BARHL2: variants seen among roughly 807,000 people sequenced by gnomAD.
BARHL2 encodes barH-like 2 homeobox protein.
BARHL2 carries 10 observed loss-of-function variants against 27.1 expected under a neutral mutation model. That is an observed-to-expected ratio of 0.37 (90% CI 0.23 to 0.63). The LOEUF is 0.63. Among genes scored for constraint, BARHL2 ranks in the 20% least tolerant of loss-of-function variants. The probability of loss-of-function intolerance (pLI) is 0.65; values close to 1 mark genes in which losing one functional copy is unlikely to be tolerated. For missense variants in BARHL2, 483 were observed against 533.5 expected, an observed-to-expected ratio of 0.91 and a Z score of 0.93; for synonymous variants, 248 against 224.7, an observed-to-expected ratio of 1.10 and a Z score of -0.93.
chr1:90,716,416 A>G (rs1301468064), intron 1 of BARHL2, among the ~76,000 whole-genome samples, 155 bp downstream of exon 1: 1 of 152,212 alleles, frequency 6.6e-6, no homozygotes, highest in African/African-American at 2.4e-5. Flanking sequence ...TCGCACGCCC[A>G]GGCCTCCCTT....
At chr1:90,716,510 G>C in intron 1 of BARHL2, 61 bp downstream of exon 1, 3 of 1,539,592 alleles carry the variant, frequency 1.9e-6, no homozygotes, top group Non-Finnish European at 2.7e-6. Flanking sequence ...AAGGCTGAAG[G>C]GGAGATTGGG....
intron 1 of BARHL2, among the ~76,000 whole-genome samples, chr1:90,716,103 T>C (rs1277901094): frequency 2.7e-5 from 3 of 111,470 alleles, no homozygotes; most frequent in African/African-American, 6.7e-5. Context: ...GTGATGATGT[T>C]AAGAAAATAA....
chr1:90,716,114 A>G (rs1287485889), intron 1 of BARHL2, among the ~76,000 whole-genome samples: 2 of 76,560 alleles, frequency 2.6e-5, no homozygotes, highest in Non-Finnish European at 5.9e-5. Flanking sequence ...AAGAAAATAA[A>G]GTGGGGGGGG....
chr1:90,713,063 C>G (rs983200161), intron 2 of BARHL2, among the ~76,000 whole-genome samples: 1 of 152,144 alleles, frequency 6.6e-6, no homozygotes, highest in Non-Finnish European at 1.5e-5. Context: ...GCCCCTCTTC[C>G]TTCCCCGCCA....
In BARHL2 at chr1:90,714,770, C is replaced by A. The variant is rs201402980; in HGVS notation, c.626-14G>T. Reference sequence around the variant, plus strand: ...CCTCCTTTGTCCCTACCATAGAAACCCAGCCACGGTGGTAAGTTAGCCTGG... The same window carrying A: ...CCTCCTTTGTCCCTACCATAGAAACACAGCCACGGTGGTAAGTTAGCCTGG... On this transcript the variant is annotated splice_polypyrimidine_tract_variant and intron_variant, in intron 1 of 2. Transcript: ENST00000370445. 6.2e-7 allele frequency: 1 copy of A among 1,613,114 alleles called. No individual in the cohort carries two copies. Among genetic ancestry groups the A allele is most frequent in the African/African-American group, 1.3e-5 (1 of 74,866 alleles).
intron 1 of BARHL2, 25 bp downstream of exon 1, chr1:90,716,546 G>T: frequency 6.2e-7 from 1 of 1,610,670 alleles, no homozygotes; most frequent in Non-Finnish European, 8.5e-7. Flanking sequence ...CTAGACGGCC[G>T]AGAGCGCCGG....
At chr1:90,713,467 A>G (rs1229181711) in intron 2 of BARHL2, among the ~76,000 whole-genome samples, 1 of 152,234 alleles carries the variant, frequency 6.6e-6, no homozygotes, top group Non-Finnish European at 1.5e-5. Flanking sequence ...CTGGTGGGCC[A>G]TCCATACCCG....
In BARHL2 at chr1:90,712,317, G is replaced by A. The variant is rs1261706606; in HGVS notation, c.1159C>T (p.Arg387Trp). 3.4e-6 allele frequency: 5 copies of A among 1,459,940 alleles called. No individual in the cohort carries two copies. The highest frequency in any genetic ancestry group is 2.5e-5 in the East Asian group (1 of 40,072). 90.4% of individuals were successfully genotyped at this position (1,459,940 alleles called of 1,614,324 possible). A position where few individuals can be genotyped will look rare whatever the true frequency, so the allele number is the denominator to read the frequency against. ...SSPIPGTPHP[R>W] ...GTGCCTTCGCTGCAATGTTTTCACC[G>A]GGGGTGTGGGGTGCCTGGGATGGGG... Residue 387 changes from arginine to tryptophan, a missense_variant, in exon 3 of 3, where the codon CGG (arginine) becomes TGG (tryptophan). By Grantham distance (101) the Arg-to-Trp change is moderately radical (BLOSUM62 -3). Coordinates refer to ENST00000370445, the MANE Select transcript of BARHL2 (RefSeq NM_020063.2).
intron 1 of BARHL2, among the ~76,000 whole-genome samples, chr1:90,715,974 G>A (rs1658136010): frequency 6.6e-6 from 1 of 152,182 alleles, no homozygotes; most frequent in South Asian, 2.1e-4. Flanking sequence ...CATAGGGTAA[G>A]AAGGGTGCTT....
chr1:90,716,704 T>G lies in BARHL2; in HGVS notation c.492A>C (p.Val164=). The G allele has an allele frequency of 6.2e-7, 1 of 1,611,424 alleles. No individual in the cohort carries two copies. Among genetic ancestry groups the G allele is most frequent in the East Asian group, 2.2e-5 (1 of 44,802 alleles). The change falls in exon 1 of 3, where the codon GTA becomes GTC. Residue 164 remains valine (V), a synonymous_variant. Coordinates refer to ENST00000370445, the MANE Select transcript of BARHL2 (RefSeq NM_020063.2). ...GCTTCGGGGTGTGGTGGGGAGAGGA[T>G]ACGCTGGTGCTGTAGGGTGCACATG... The part of the protein sequence containing the change: ...LAACAPYSTS[V]SSPHHTPKQE...
At chr1:90,715,899 T>C (rs1471164435) in intron 1 of BARHL2, among the ~76,000 whole-genome samples, 1 of 152,168 alleles carries the variant, frequency 6.6e-6, no homozygotes, top group Non-Finnish European at 1.5e-5. Context: ...TTTTTATAAA[T>C]ACTACCTCCT....
In BARHL2 at chr1:90,712,137, G is replaced by A. The variant is rs1658044565; in HGVS notation, c.*175C>T. Reference sequence around the variant, plus strand: ...GTGGGGAGATGGAGAGCAGAGGGCTGGCTCCTCTTTGGGGGTCCCCTGCCC... The same window carrying A: ...GTGGGGAGATGGAGAGCAGAGGGCTAGCTCCTCTTTGGGGGTCCCCTGCCC... On this transcript the variant is annotated 3_prime_UTR_variant, in exon 3 of 3. Transcript: ENST00000370445. 1.7e-6 allele frequency: 1 copy of A among 578,728 alleles called. No homozygotes were observed. Among genetic ancestry groups the A allele is most frequent in the Admixed American group, 3.6e-5 (1 of 28,094 alleles). 35.8% of individuals were successfully genotyped at this position (578,728 alleles called of 1,614,324 possible). A position where few individuals can be genotyped will look rare whatever the true frequency, so the allele number is the denominator to read the frequency against.
In BARHL2 at chr1:90,717,099, G is replaced by A. The variant is rs1312809958; in HGVS notation, c.97C>T (p.Arg33Cys). 3.1e-6 allele frequency: 5 copies of A among 1,613,928 alleles called. No homozygotes were observed. Among genetic ancestry groups the A allele is most frequent in the East Asian group, 2.2e-5 (1 of 44,826 alleles). ...GSPGMMNGDF[R>C]PLGEARTADF... The stretch of plus-strand genomic sequence containing the variant: ...GCGGTCCTGGCCTCACCGAGCGGGC[G>A]GAAATCTCCATTCATCATGCCTGGG... Residue 33 changes from arginine to cysteine, a missense_variant, in exon 1 of 3, where the codon CGC becomes TGC. Physicochemically the swap from Arg to Cys is radical, Grantham distance 180. Around this residue, in one of 3 missense-constraint regions of BARHL2, gnomAD observed 304 missense variants for 284.9 expected, o/e 1.07. Transcript: ENST00000370445.
chr1:90,716,391 C>G (rs1658144328), intron 1 of BARHL2, among the ~76,000 whole-genome samples, 180 bp downstream of exon 1: 1 of 152,190 alleles, frequency 6.6e-6, no homozygotes, highest in Admixed American at 6.5e-5. Context: ...AACAGAACTT[C>G]GAGGAGTCCC....
At chr1:90,713,991 A>G (rs920842812) in intron 2 of BARHL2, among the ~76,000 whole-genome samples, 2 of 152,166 alleles carry the variant, frequency 1.3e-5, no homozygotes, top group African/African-American at 4.8e-5. Flanking sequence ...GGGCTCTCCT[A>G]GTCTCTGCAG....
chr1:90,713,641 G>A lies in BARHL2; in HGVS notation c.851+890C>T, dbSNP rs191941018. Among the ~76,000 whole-genome samples the A allele has an allele frequency of 1.2e-4, 18 of 152,308 alleles. No homozygotes were observed. In the East Asian group the frequency reaches 3.1e-3, roughly 26 times the overall value. ...GGCATTTCCAACCGCACTTATGGAC[G>A]ATTAGAACACAAACGGGAGAAAAGG... On this transcript the variant is annotated intron_variant, in intron 2 of 2. Coordinates refer to ENST00000370445, the MANE Select transcript of BARHL2 (RefSeq NM_020063.2).
chr1:90,715,788 T>C (rs1658131436), intron 1 of BARHL2, among the ~76,000 whole-genome samples: 1 of 152,188 alleles, frequency 6.6e-6, no homozygotes, highest in Non-Finnish European at 1.5e-5. Context: ...TATGAAATTG[T>C]CTGATGAGAA....
intron 1 of BARHL2, among the ~76,000 whole-genome samples, chr1:90,715,076 T>C (rs1433617795): frequency 2.6e-5 from 4 of 152,114 alleles, no homozygotes; most frequent in Admixed American, 6.5e-5. Flanking sequence ...TGTTATTGTT[T>C]CCTTGACTGA....
In BARHL2 at chr1:90,717,172, C is replaced by G. The variant is rs1209742751; in HGVS notation, c.24G>C (p.Gly8=). The part of the protein sequence containing the change: MTMEGAS[G]SSFGIDTILS... The stretch of plus-strand genomic sequence containing the variant: ...AAATCGTGTCTATTCCAAAACTCGA[C>G]CCGCTGGCCCCTTCCATTGTCATTG... The change falls in exon 1 of 3, where the codon GGG becomes GGC. Residue 8 remains glycine (G), a synonymous_variant. Transcript: ENST00000370445. The G allele has an allele frequency of 6.2e-7, 1 of 1,613,092 alleles. No individual in the cohort carries two copies. The highest frequency in any genetic ancestry group is 8.5e-7 in the Non-Finnish European group (1 of 1,179,792).
Sources: gnomAD v4.1 joint callset for allele counts (sites outside exome capture counted in the v4.1 genomes callset) on GRCh38, gnomAD v4.1.1 for gene constraint, gnomAD v4.1.1 regional missense constraint, MANE v1.5 for transcripts, NCBI Gene and HGNC (gene_info 2026-07-23, HGNC 2026-07-21) for gene names.